CERS5: variants seen among roughly 807,000 people sequenced by gnomAD.
The protein encoded by CERS5 is LAG1 homolog, ceramide synthase 5.
CERS5 carries 37 observed loss-of-function variants against 58.9 expected under a neutral mutation model. The observed-to-expected ratio is 0.63, with a 90% CI of 0.48 to 0.83. The LOEUF (loss-of-function observed/expected upper bound fraction) is 0.83. Among genes scored for constraint, CERS5 ranks in the 40% least tolerant of loss-of-function variants. The pLI is 0.00. For synonymous variants in CERS5, 147 were observed against 177.8 expected, an observed-to-expected ratio of 0.83 and a Z score of 1.38; for missense variants, 398 against 489.3, an observed-to-expected ratio of 0.81 and a Z score of 1.76.
intron 5 of CERS5, among the ~76,000 whole-genome samples, chr12:50,138,273 C>CAG (rs1951791553): frequency 6.6e-6 from 1 of 151,974 alleles, no homozygotes; most frequent in Non-Finnish European, 1.5e-5. Context: ...CATTAAATAC[C>CAG]AGAAACTTGC....
intron 9 of CERS5, 92 bp downstream of exon 9, chr12:50,134,437 TTGGCCTGCTTGAGTAGA>T: frequency 6.2e-7 from 1 of 1,607,612 alleles, no homozygotes; most frequent in Non-Finnish European, 8.5e-7. Flanking sequence ...GGCTTTTTGC[TTGGCCTGCTTGAGTAGA>T]TGGGGCTCAC....
At chr12:50,137,705 A>G (rs1432498167) in intron 6 of CERS5, 23 bp downstream of exon 6, 1 of 1,346,412 alleles carries the variant, frequency 7.4e-7, no homozygotes, top group Non-Finnish European at 1.1e-6. Flanking sequence ...AAGTTGGGGA[A>G]TTGAGGGAGC....
intron 9 of CERS5, among the ~76,000 whole-genome samples, chr12:50,132,531 TAAAGG>T (rs1180413190): frequency 1.3e-5 from 2 of 152,086 alleles, no homozygotes; most frequent in East Asian, 3.8e-4. Flanking sequence ...GTGGTTTAAG[TAAAGG>T]AGAGAAGGAA....
At chr12:50,151,851 G>A (rs892846597) in intron 1 of CERS5, among the ~76,000 whole-genome samples, 1 of 152,182 alleles carries the variant, frequency 6.6e-6, no homozygotes, top group Non-Finnish European at 1.5e-5. Context: ...CACCATGCTG[G>A]CCAGGCTGGT....
intron 3 of CERS5, 47 bp downstream of exon 3, chr12:50,143,027 T>C (rs1439048093): frequency 4.5e-6 from 7 of 1,549,678 alleles, no homozygotes; most frequent in Non-Finnish European, 6.1e-6. Context: ...AGTCCAGTTG[T>C]ATCCCACCGT....
At chr12:50,141,842 G>C (rs895210865) in intron 4 of CERS5, among the ~76,000 whole-genome samples, 1 of 151,256 alleles carries the variant, frequency 6.6e-6, no homozygotes, top group Admixed American at 6.6e-5. Flanking sequence ...GGGAGGCTGA[G>C]GCAAGAGAAT....
chr12:50,142,657 G>A (rs761233608), intron 3 of CERS5, among the ~76,000 whole-genome samples: 2 of 151,644 alleles, frequency 1.3e-5, no homozygotes, highest in African/African-American at 2.4e-5. Flanking sequence ...TACTAATACA[G>A]TGCTCACAGA....
At position 50,167,098 on chromosome 12, in the gene CERS5, C is replaced by T. The variant is rs1939995461; in HGVS notation, c.197+3G>A. 1 of 1,532,240 alleles carries T rather than the reference C, an allele frequency of 6.5e-7. No individual in the cohort carries two copies. 94.9% of individuals were successfully genotyped at this position (1,532,240 alleles called of 1,614,324 possible). On this transcript the variant is annotated splice_donor_region_variant and intron_variant, in intron 1 of 9. Coordinates refer to ENST00000317551, the MANE Select transcript of CERS5 (RefSeq NM_147190.5). ...CCCGAGCCGCTCGCTCCCGGGCTCT[C>T]ACCGCTCGAAGAGCAGCCTCACGAA...
intron 1 of CERS5, among the ~76,000 whole-genome samples, chr12:50,161,515 G>A (rs903435350): frequency 3.3e-5 from 5 of 152,062 alleles, no homozygotes; most frequent in African/African-American, 7.2e-5. Context: ...GGTGGCTCAC[G>A]CCTGTAATCC....
intron 1 of CERS5, chr12:50,165,041 G>C (rs1939714157): frequency 6.6e-6 from 1 of 151,298 alleles, no homozygotes; most frequent in Non-Finnish European, 1.5e-5. Context: ...ATGGAAGAGA[G>C]TACCTGGATC....
At chr12:50,145,244 A>T (rs1231195482) in intron 1 of CERS5, among the ~76,000 whole-genome samples, 1 of 151,402 alleles carries the variant, frequency 6.6e-6, no homozygotes, top group Non-Finnish European at 1.5e-5. Flanking sequence ...GTTATCATTG[A>T]TTGATTATAA....
intron 1 of CERS5, chr12:50,145,137 C>CAAAAAAAAAAAAAAAA (rs1165575166): frequency 1.3e-5 from 1 of 78,450 alleles, no homozygotes; most frequent in Non-Finnish European, 2.5e-5. Context: ...GAATCCGTCT[C>CAAAAAAAAAAAAAAAA]AAAAAAAAAA....
intron 1 of CERS5, among the ~76,000 whole-genome samples, chr12:50,163,556 G>C (rs1351245167): frequency 6.6e-6 from 1 of 152,190 alleles, no homozygotes; most frequent in Non-Finnish European, 1.5e-5. Flanking sequence ...CTAGGCCAGG[G>C]GCAGTGGCTC....
chr12:50,155,780 A>G (rs1938517905), intron 1 of CERS5, among the ~76,000 whole-genome samples: 1 of 145,644 alleles, frequency 6.9e-6, no homozygotes, highest in African/African-American at 2.5e-5. Context: ...CCTGGGTAAC[A>G]TGATGAAATC....
chr12:50,132,859 G>A (rs1951409111), intron 9 of CERS5: 2 of 1,235,378 alleles, frequency 1.6e-6, no homozygotes, highest in Non-Finnish European at 2.1e-6. Context: ...GAGAGGGCAT[G>A]CTCTGAGACA....
intron 1 of CERS5, chr12:50,148,692 T>C: frequency 5.1e-6 from 1 of 196,160 alleles, no homozygotes; most frequent in South Asian, 5.4e-5. Flanking sequence ...AGGTCAGGAG[T>C]TTGAAACCAG....
intron 1 of CERS5, chr12:50,165,935 T>C (rs1939829398): frequency 2.2e-6 from 1 of 455,166 alleles, no homozygotes; most frequent in Non-Finnish European, 4.4e-6. Flanking sequence ...CCTCAGTGAA[T>C]ATCTTTATCT....
chr12:50,155,040 T>G (rs1201493788), intron 1 of CERS5, among the ~76,000 whole-genome samples: 1 of 152,058 alleles, frequency 6.6e-6, no homozygotes, highest in African/African-American at 2.4e-5. Flanking sequence ...GCATTTTTAG[T>G]AGAGACGGGG....
In CERS5 at chr12:50,156,757, G is replaced by A. The variant is rs79758029; in HGVS notation, c.197+10344C>T. 9.5e-3 allele frequency among the ~76,000 whole-genome samples: 1,443 copies of A among 152,188 alleles called. 14 individuals are homozygous for A. The highest frequency in any genetic ancestry group is 0.054 in the Middle Eastern group (16 of 294). The stretch of plus-strand genomic sequence containing the variant: ...ACTGCTGTACAGCATAGGAATCTCA[G>A]GAGTCAAAAAGGAAATTATGTAGCT... On this transcript the variant is annotated intron_variant, in intron 1 of 9. Coordinates refer to ENST00000317551, the MANE Select transcript of CERS5 (RefSeq NM_147190.5).
Sources: allele counts gnomAD v4.1 joint callset (sites outside exome capture counted in the v4.1 genomes callset), GRCh38; gene constraint gnomAD v4.1.1; transcripts MANE v1.5; gene names NCBI Gene and HGNC (gene_info 2026-07-23, HGNC 2026-07-21).